The following CRPPA variants were observed in gnomAD, a reference collection of about 807,000 sequenced individuals.
CRPPA encodes CDP-L-ribitol pyrophosphorylase A.
Under a neutral mutation model 52.0 loss-of-function variants are expected in CRPPA, and 43 were observed. The ratio of observed to expected loss-of-function variants is 0.83; its 90% confidence interval spans 0.65 to 1.07. CRPPA has a LOEUF of 1.07. Among genes scored for constraint, CRPPA ranks in the 50% least tolerant of loss-of-function variants. The pLI is 0.00. For missense variants in CRPPA, 629 were observed against 551.7 expected, an observed-to-expected ratio of 1.14 and a Z score of -1.40; for synonymous variants, 250 against 203.5, an observed-to-expected ratio of 1.23 and a Z score of -1.94.
intron 2 of CRPPA, among the ~76,000 whole-genome samples, chr7:16,393,064 A>G (rs1787483988): frequency 6.6e-6 from 1 of 152,124 alleles, no homozygotes; most frequent in African/African-American, 2.4e-5. Flanking sequence ...ACAGATTAGG[A>G]AGCCAACAAC....
intron 9 of CRPPA, among the ~76,000 whole-genome samples, chr7:16,128,377 CA>C (rs1185160489): frequency 4.6e-5 from 7 of 152,008 alleles, no homozygotes; most frequent in African/African-American, 1.7e-4. Context: ...TACCAGTGAT[CA>C]AAAGTCCTAT....
At chr7:16,156,129 A>T (rs1783176440) in intron 9 of CRPPA, among the ~76,000 whole-genome samples, 1 of 152,032 alleles carries the variant, frequency 6.6e-6, no homozygotes, top group Admixed American at 6.6e-5. Flanking sequence ...AAAAAAAAAA[A>T]AAAAATACGC....
At chr7:16,299,937 A>G (rs903297356) in intron 5 of CRPPA, among the ~76,000 whole-genome samples, 5 of 152,144 alleles carry the variant, frequency 3.3e-5, no homozygotes, top group African/African-American at 1.2e-4. Context: ...AGTCATTGCT[A>G]TTTTCCTACG....
chr7:16,096,686 A>G (rs1781940958), intron 9 of CRPPA, among the ~76,000 whole-genome samples: 1 of 152,118 alleles, frequency 6.6e-6, no homozygotes, highest in Admixed American at 6.6e-5. Flanking sequence ...GGCTTAAGCA[A>G]TCCTTCTACC....
intron 5 of CRPPA, among the ~76,000 whole-genome samples, chr7:16,295,502 A>G (rs1456621740): frequency 6.6e-6 from 1 of 152,230 alleles, no homozygotes; most frequent in East Asian, 1.9e-4. Flanking sequence ...GGTTTGTACA[A>G]GTATAACCAA....
At chr7:16,348,437 A>C (rs1014633364) in intron 3 of CRPPA, among the ~76,000 whole-genome samples, 1 of 152,154 alleles carries the variant, frequency 6.6e-6, no homozygotes, top group Non-Finnish European at 1.5e-5. Context: ...TTCACCCTGG[A>C]AGAGGTTTAC....
At chr7:16,158,714 A>T (rs1783238978) in intron 9 of CRPPA, among the ~76,000 whole-genome samples, 1 of 152,214 alleles carries the variant, frequency 6.6e-6, no homozygotes, top group African/African-American at 2.4e-5. Flanking sequence ...AAAACAGCAT[A>T]GCTTTCCTTA....
At chr7:16,133,263 G>A (rs998410466) in intron 9 of CRPPA, among the ~76,000 whole-genome samples, 2 of 121,958 alleles carry the variant, frequency 1.6e-5, no homozygotes, top group Admixed American at 1.7e-4. Flanking sequence ...GTTGCAGTGA[G>A]CTGAAATCAC....
intron 9 of CRPPA, among the ~76,000 whole-genome samples, chr7:16,157,552 C>T (rs1168264563): frequency 6.6e-6 from 1 of 151,872 alleles, no homozygotes. Flanking sequence ...AATAAATCAG[C>T]TAGTATTTTT....
At chr7:16,295,791 C>T (rs1255425026) in intron 5 of CRPPA, among the ~76,000 whole-genome samples, 1 of 152,112 alleles carries the variant, frequency 6.6e-6, no homozygotes, top group African/African-American at 2.4e-5. Context: ...TTCATCTGAG[C>T]ATGCAGAGCA....
intron 9 of CRPPA, among the ~76,000 whole-genome samples, chr7:16,163,760 C>A (rs954710481): frequency 6.6e-6 from 1 of 152,136 alleles, no homozygotes; most frequent in African/African-American, 2.4e-5. Context: ...GATTTTATTT[C>A]TTCTTCACTT....
chr7:16,160,694 T>G (rs1377830629), intron 9 of CRPPA, among the ~76,000 whole-genome samples: 1 of 152,222 alleles, frequency 6.6e-6, no homozygotes. Context: ...TGTCTAATTC[T>G]GTGAAGAAAG....
At chr7:16,217,619 A>G (rs201191576) in intron 8 of CRPPA, among the ~76,000 whole-genome samples, 28,913 of 145,884 alleles carry the variant, frequency 0.2, 3,454 homozygotes, top group South Asian at 0.41. Context: ...GCTGAAAGCC[A>G]AGGCTCGAGA....
At chr7:16,197,932 G>C (rs1781773650) in intron 9 of CRPPA, among the ~76,000 whole-genome samples, 1 of 147,740 alleles carries the variant, frequency 6.8e-6, no homozygotes, top group Non-Finnish European at 1.5e-5. Flanking sequence ...GATGTGCTTT[G>C]TTAAACAGAT....
chr7:16,281,194 C>G lies in CRPPA; in HGVS notation c.836-2968G>C, dbSNP rs73294882. On this transcript the variant is annotated intron_variant, in intron 5 of 9. Transcript: ENST00000407010. Reference sequence around the variant, plus strand: ...GACATCTTTAAAATAACAAGCCTTCCAAATGAACATGATTTGTCCCCTGTG... The same window carrying G: ...GACATCTTTAAAATAACAAGCCTTCGAAATGAACATGATTTGTCCCCTGTG... Among the ~76,000 whole-genome samples the G allele has an allele frequency of 6.8e-3, 1,038 of 152,168 alleles. 15 individuals are homozygous for G. The highest frequency in any genetic ancestry group is 0.024 in the African/African-American group (1,010 of 41,518).
intron 9 of CRPPA, among the ~76,000 whole-genome samples, chr7:16,109,940 T>C (rs915275733): frequency 6.6e-6 from 1 of 151,636 alleles, no homozygotes; most frequent in African/African-American, 2.4e-5. Context: ...ATATTGGAAG[T>C]CCCTCCCATA....
chr7:16,347,248 T>C (rs1399939112), intron 3 of CRPPA, among the ~76,000 whole-genome samples: 2 of 152,124 alleles, frequency 1.3e-5, no homozygotes, highest in Non-Finnish European at 2.9e-5. Context: ...CCAACCAGTC[T>C]AGTTTCAGAG....
intron 8 of CRPPA, among the ~76,000 whole-genome samples, chr7:16,235,156 G>A (rs1455009377): frequency 1.3e-5 from 2 of 152,022 alleles, no homozygotes; most frequent in Non-Finnish European, 2.9e-5. Flanking sequence ...TCTCACGGTG[G>A]CTATGGTAAG....
At chr7:16,184,451 C>T (rs1439536190) in intron 9 of CRPPA, among the ~76,000 whole-genome samples, 1 of 152,118 alleles carries the variant, frequency 6.6e-6, no homozygotes, top group Non-Finnish European at 1.5e-5. Flanking sequence ...TCCCACCTGT[C>T]TGACAAGTAT....
Sources: gnomAD v4.1 joint callset for allele counts (sites outside exome capture counted in the v4.1 genomes callset) on GRCh38, gnomAD v4.1.1 for gene constraint, MANE v1.5 for transcripts, NCBI Gene and HGNC (gene_info 2026-07-23, HGNC 2026-07-21) for gene names.